The following NHS variants were observed in gnomAD, a reference collection of about 807,000 sequenced individuals.
NHS encodes NHS actin remodeling regulator, also known as actin remodeling regulator NHS.
NHS carries 5 observed loss-of-function variants against 72.5 expected under a neutral mutation model. That is an observed-to-expected ratio of 0.07 (90% CI 0.04 to 0.14). The LOEUF is 0.14. Among genes scored for constraint, NHS ranks in the 10% least tolerant of loss-of-function variants. The pLI is 1.00. For synonymous variants in NHS, 464 were observed against 547.7 expected (o/e 0.85, Z 2.13); for missense variants, 1,072 against 1,355.7 (o/e 0.79, Z 3.29).
intron 3 of NHS, among the ~76,000 whole-genome samples, chrX:17,709,915 A>G (rs935989504): frequency 9.0e-6 from 1 of 111,690 alleles, no homozygotes; most frequent in East Asian, 2.8e-4. Flanking sequence ...TCTGACTAGC[A>G]TCTCTGACAG....
intron 1 of NHS, among the ~76,000 whole-genome samples, chrX:17,395,624 G>A (rs1447710665): frequency 8.9e-6 from 1 of 111,741 alleles, no homozygotes; most frequent in East Asian, 2.8e-4. Context: ...AATTATAATA[G>A]ATTGCCATTT....
intron 1 of NHS, among the ~76,000 whole-genome samples, chrX:17,421,266 C>CACAT (rs112116192): frequency 1.0e-4 from 11 of 108,131 alleles, no homozygotes; most frequent in African/African-American, 3.7e-4. Context: ...CACACACACA[C>CACAT]GCCAGCCTGG....
At chrX:17,593,681 G>A (rs1365102850) in intron 1 of NHS, among the ~76,000 whole-genome samples, 1 of 111,687 alleles carries the variant, frequency 9.0e-6, no homozygotes, top group African/African-American at 3.3e-5. Context: ...CTCCATCCAG[G>A]TACCCCTGGA....
intron 1 of NHS, among the ~76,000 whole-genome samples, chrX:17,570,671 T>G (rs2065472858): frequency 8.9e-6 from 1 of 111,959 alleles, no homozygotes; most frequent in African/African-American, 3.3e-5. Flanking sequence ...TGCTTTCTCT[T>G]GCCTGATTGC....
At chrX:17,582,121 G>C (rs746466366) in intron 1 of NHS, among the ~76,000 whole-genome samples, 1 of 111,591 alleles carries the variant, frequency 9.0e-6, no homozygotes, top group South Asian at 3.8e-4. Context: ...AATTTATTCA[G>C]TTTCCTCACT....
At chrX:17,416,369 T>G (rs1428522391) in intron 1 of NHS, among the ~76,000 whole-genome samples, 1 of 111,986 alleles carries the variant, frequency 8.9e-6, no homozygotes, top group African/African-American at 3.2e-5. Flanking sequence ...CCAGCACATG[T>G]GATGTGCAGG....
intron 1 of NHS, among the ~76,000 whole-genome samples, chrX:17,587,789 G>A (rs2065583137): frequency 8.9e-6 from 1 of 112,088 alleles, no homozygotes; most frequent in South Asian, 3.7e-4. Context: ...TACCAAAATT[G>A]AATATCATTG....
chrX:17,406,558 A>C (rs143750597), intron 1 of NHS, among the ~76,000 whole-genome samples: 1,518 of 111,287 alleles, frequency 0.014, 24 homozygotes, highest in African/African-American at 0.047. Context: ...TTGCAGCACC[A>C]CACATCTCAG....
chrX:17,581,586 G>A (rs184238503), intron 1 of NHS, among the ~76,000 whole-genome samples: 1 of 112,057 alleles, frequency 8.9e-6, no homozygotes, highest in African/African-American at 3.2e-5. Context: ...ATCTGTAGCT[G>A]GCTAATAATT....
intron 3 of NHS, among the ~76,000 whole-genome samples, chrX:17,708,364 A>G (rs979679645): frequency 1.8e-5 from 2 of 111,523 alleles, no homozygotes; most frequent in Non-Finnish European, 3.8e-5. Context: ...CAAACTACAC[A>G]TGCTTCTCCA....
Position 17,726,891 on chromosome X carries a change from G to C in NHS, c.2785G>C (p.Ala929Pro). 1.7e-6 allele frequency: 2 copies of C among 1,211,808 alleles called. No homozygotes were observed. The highest frequency in any genetic ancestry group is 2.2e-6 in the Non-Finnish European group (2 of 895,529). Residue 929 changes from alanine (A) to proline (P), a missense_variant, in exon 7 of 9, where the codon GCT becomes CCT. Transcript: ENST00000676302. ...EQGIKEPQLDASDIPPFKDEV... is the reference protein window; with the variant it reads ...EQGIKEPQLDPSDIPPFKDEV... Reference sequence around the variant, plus strand: ...AGGCATTAAGGAACCTCAGTTAGATGCTTCGGATATTCCACCATTCAAAGA... The same window carrying C: ...AGGCATTAAGGAACCTCAGTTAGATCCTTCGGATATTCCACCATTCAAAGA...
At chrX:17,602,196 CAACAAACA>C (rs755874607) in intron 1 of NHS, among the ~76,000 whole-genome samples, 3 of 110,404 alleles carry the variant, frequency 2.7e-5, no homozygotes, top group African/African-American at 1.0e-4. Flanking sequence ...ACAACAACAA[CAACAAACA>C]AACAAACAAA....
At chrX:17,431,831 C>T (rs2064695827) in intron 1 of NHS, among the ~76,000 whole-genome samples, 2 of 111,884 alleles carry the variant, frequency 1.8e-5, no homozygotes, top group Admixed American at 1.9e-4. Context: ...GCAAGCAGAG[C>T]CAACTAAGAG....
At chrX:17,655,194 C>T (rs2065947179) in intron 1 of NHS, among the ~76,000 whole-genome samples, 1 of 111,840 alleles carries the variant, frequency 8.9e-6, no homozygotes, top group Admixed American at 9.4e-5. Flanking sequence ...GGGGTTGGCA[C>T]GGTCGGCGTT....
intron 1 of NHS, among the ~76,000 whole-genome samples, chrX:17,540,181 G>A (rs940909938): frequency 9.0e-6 from 1 of 111,588 alleles, no homozygotes. Context: ...TGTTCAACAT[G>A]GTATGTTGAA....
At chrX:17,706,135 T>C (rs2066294213) in intron 3 of NHS, among the ~76,000 whole-genome samples, 1 of 110,885 alleles carries the variant, frequency 9.0e-6, no homozygotes, top group African/African-American at 3.3e-5. Flanking sequence ...GAGGCTACAG[T>C]GAGCCATGAT....
chrX:17,513,997 A>C (rs1228303708), intron 1 of NHS, among the ~76,000 whole-genome samples: 1 of 112,079 alleles, frequency 8.9e-6, no homozygotes, highest in Non-Finnish European at 1.9e-5. Flanking sequence ...GGAGCAAGTC[A>C]TGTCTTACAT....
At chrX:17,477,504 C>T (rs1300504372) in intron 1 of NHS, among the ~76,000 whole-genome samples, 1 of 111,747 alleles carries the variant, frequency 8.9e-6, no homozygotes, top group Non-Finnish European at 1.9e-5. Flanking sequence ...AAGGCCTTTG[C>T]CTTTTACTCT....
intron 1 of NHS, among the ~76,000 whole-genome samples, chrX:17,592,010 A>G (rs989832983): frequency 9.5e-6 from 1 of 104,774 alleles, no homozygotes; most frequent in Admixed American, 1.0e-4. Context: ...TGGTCCACTG[A>G]TGTGTGTGTG....
Sources: allele counts gnomAD v4.1 joint callset (sites outside exome capture counted in the v4.1 genomes callset), GRCh38; gene constraint gnomAD v4.1.1; transcripts MANE v1.5; gene names NCBI Gene and HGNC (gene_info 2026-07-23, HGNC 2026-07-21).